Variants in DZANK1 observed in about 807,000 individuals in gnomAD.
The protein encoded by DZANK1 is double zinc ribbon and ankyrin repeat-containing protein 1.
In DZANK1, 91 loss-of-function variants were observed where a neutral mutation model predicts 94.5. The observed-to-expected ratio is 0.96, with a 90% CI of 0.81 to 1.15. DZANK1 has a LOEUF of 1.15. Among genes scored for constraint, DZANK1 ranks in the 50% most tolerant of loss-of-function variants. The probability of loss-of-function intolerance (pLI) is 0.00; values close to 1 mark genes in which losing one functional copy is unlikely to be tolerated. For missense variants in DZANK1, 903 were observed against 916.4 expected (o/e 0.99, Z 0.19); for synonymous variants, 312 against 325.3 (o/e 0.96, Z 0.44).
intron 2 of DZANK1, 76 bp downstream of exon 2, chr20:18,465,174 G>C (rs2059601319): frequency 2.0e-6 from 2 of 1,002,682 alleles, no homozygotes; most frequent in Non-Finnish European, 1.5e-6. Flanking sequence ...CAGGCAAAGA[G>C]ATAAACCAGC....
At chr20:18,445,328 A>G (rs867804911) in intron 7 of DZANK1, among the ~76,000 whole-genome samples, 1 of 152,382 alleles carries the variant, frequency 6.6e-6, no homozygotes, top group South Asian at 2.1e-4. Context: ...AGAGTATCAA[A>G]GTACATGAAG....
At chr20:18,460,265 T>C in exon 3 of DZANK1, 2 of 1,588,802 alleles carry the variant, frequency 1.3e-6, no homozygotes, top group Non-Finnish European at 1.7e-6. Context: ...AATTCAGGTT[T>C]GCTGCCATCC....
At chr20:18,396,402 A>G (rs1482889022) in intron 15 of DZANK1, 70 bp downstream of exon 15, 19 of 1,288,850 alleles carry the variant, frequency 1.5e-5, no homozygotes, top group Non-Finnish European at 2.1e-5. Flanking sequence ...ACACAGAAGC[A>G]TTTCTATAAA....
intron 12 of DZANK1, 57 bp from the exon 13 acceptor site, chr20:18,412,910 A>G (rs2057328177): frequency 6.9e-7 from 1 of 1,455,444 alleles, no homozygotes. Flanking sequence ...TCAATCTTGC[A>G]TTTTACTTAT....
chr20:18,395,586 C>CCCTAG (rs1261306693), intron 15 of DZANK1, among the ~76,000 whole-genome samples: 8 of 152,136 alleles, frequency 5.3e-5, no homozygotes, highest in African/African-American at 1.9e-4. Flanking sequence ...TGCTGCTTTG[C>CCCTAG]CCTAGAGGTC....
chr20:18,442,454 G>A (rs1011565742), intron 8 of DZANK1, among the ~76,000 whole-genome samples: 2 of 151,996 alleles, frequency 1.3e-5, no homozygotes, highest in African/African-American at 2.4e-5. Context: ...ATTTAAAATC[G>A]ACTCCCACCC....
chr20:18,405,406 G>A (rs182540060), intron 13 of DZANK1, among the ~76,000 whole-genome samples: 45 of 151,608 alleles, frequency 3.0e-4, no homozygotes, highest in African/African-American at 8.5e-4. Flanking sequence ...ATTATACAAC[G>A]TAAAAAAAAG....
At chr20:18,458,289 A>T (rs1018605800) in intron 3 of DZANK1, among the ~76,000 whole-genome samples, 2 of 152,170 alleles carry the variant, frequency 1.3e-5, no homozygotes, top group South Asian at 2.1e-4. Flanking sequence ...ATGAATCTTT[A>T]AATCTGGTTT....
intron 10 of DZANK1, 58 bp from the exon 11 acceptor site, chr20:18,415,507 C>T: frequency 7.6e-7 from 1 of 1,319,796 alleles, no homozygotes; most frequent in Non-Finnish European, 9.8e-7. Context: ...TAATCCCCCT[C>T]CCAATTCAAA....
chr20:18,430,528 A>G (rs553794233), intron 9 of DZANK1, among the ~76,000 whole-genome samples: 24 of 152,330 alleles, frequency 1.6e-4, no homozygotes, highest in Non-Finnish European at 2.6e-4. Flanking sequence ...AAAACGGCCA[A>G]TGGAGGCCAG....
At chr20:18,454,684 G>GC (rs1370840249) in intron 4 of DZANK1, 6 of 154,798 alleles carry the variant, frequency 3.9e-5, no homozygotes, top group African/African-American at 1.2e-4. Context: ...TCTACTTAAT[G>GC]CATCTATTCA....
chr20:18,458,713 G>T (rs750727816), intron 3 of DZANK1, among the ~76,000 whole-genome samples: 20 of 152,200 alleles, frequency 1.3e-4, no homozygotes, highest in Middle Eastern at 3.4e-3. Context: ...TCCATCCAGG[G>T]ATCACCTGAA....
intron 1 of DZANK1, among the ~76,000 whole-genome samples, chr20:18,466,285 T>A (rs1304197014): frequency 2.6e-5 from 4 of 152,272 alleles, no homozygotes; most frequent in Non-Finnish European, 5.9e-5. Flanking sequence ...TCCCTGTACT[T>A]ATTTATCCAT....
intron 10 of DZANK1, among the ~76,000 whole-genome samples, chr20:18,418,250 G>A (rs1346003696): frequency 6.6e-6 from 1 of 152,126 alleles, no homozygotes; most frequent in African/African-American, 2.4e-5. Flanking sequence ...CGCATGTGAA[G>A]CGGTGGGCAC....
intron 10 of DZANK1, 28 bp from the exon 11 acceptor site, chr20:18,415,477 A>G (rs944592995): frequency 2.0e-6 from 3 of 1,478,192 alleles, no homozygotes; most frequent in African/African-American, 2.9e-5. Context: ...ATTTAAAGGC[A>G]GGATCAGTAC....
chr20:18,426,737 T>G (rs8115126), intron 10 of DZANK1, among the ~76,000 whole-genome samples: 5,595 of 152,196 alleles, frequency 0.037, 269 homozygotes, highest in African/African-American at 0.12. Context: ...TGTGGGAAGG[T>G]GGAGGGGATG....
In DZANK1 at chr20:18,462,386, C is replaced by T. The variant is rs145575510; in HGVS notation, c.110-2080G>A. Among the ~76,000 whole-genome samples, 386 of 152,124 alleles carry T rather than the reference C, an allele frequency of 2.5e-3. 6 individuals carry two copies. Among genetic ancestry groups the T allele is most frequent in the Admixed American group, 0.021 (328 of 15,284 alleles). ...AAGCAGACGAAGGGGCAGAGAGAAG[C>T]GTAAGGAGAAGAAATATTTTCATAT... is the stretch of plus-strand genomic sequence containing the variant. On this transcript the variant is annotated intron_variant, in intron 2 of 20. Transcript: ENST00000262547.
chr20:18,384,593 C>A (rs762580469), intron 20 of DZANK1, 29 bp from the exon 21 acceptor site: 16 of 1,558,152 alleles, frequency 1.0e-5, no homozygotes, highest in Non-Finnish European at 1.4e-5. Context: ...AACGGAGGTG[C>A]ACTGAAGGAC....
chr20:18,428,700 G>T (rs924792412), intron 9 of DZANK1: 1 of 152,136 alleles, frequency 6.6e-6, no homozygotes, highest in Non-Finnish European at 1.5e-5. Flanking sequence ...CCAGCACTGC[G>T]GTCCCTAGAT....
Sources: allele counts gnomAD v4.1 joint callset (sites outside exome capture counted in the v4.1 genomes callset), GRCh38; gene constraint gnomAD v4.1.1; transcripts MANE v1.5; gene names NCBI Gene and HGNC (gene_info 2026-07-23, HGNC 2026-07-21).